FRMD3: variants seen among roughly 807,000 people sequenced by gnomAD.
The protein encoded by FRMD3 is FERM domain-containing protein 3.
A neutral mutation model predicts 70.2 loss-of-function variants in FRMD3; 33 were observed. That is an observed-to-expected ratio of 0.47 (90% CI 0.36 to 0.63). The LOEUF (loss-of-function observed/expected upper bound fraction) is 0.63, where lower values mean the gene tolerates loss of function less well. FRMD3 is among the 20% of genes least tolerant of loss of function. The probability of loss-of-function intolerance (pLI) is 0.00; values close to 1 mark genes in which losing one functional copy is unlikely to be tolerated. For synonymous variants in FRMD3, 279 were observed against 255.9 expected, an observed-to-expected ratio of 1.09 and a Z score of -0.86; for missense variants, 632 against 711.4, an observed-to-expected ratio of 0.89 and a Z score of 1.27.
chr9:83,514,546 CT>C (rs1279283602), intron 1 of FRMD3, among the ~76,000 whole-genome samples: 1 of 152,222 alleles, frequency 6.6e-6, no homozygotes, highest in East Asian at 1.9e-4. Context: ...CTTCAGCAGA[CT>C]TAAACGTTCC....
chr9:83,319,572 C>T (rs1835715783), intron 6 of FRMD3, among the ~76,000 whole-genome samples: 1 of 152,174 alleles, frequency 6.6e-6, no homozygotes, highest in Non-Finnish European at 1.5e-5. Flanking sequence ...CAGGCATGTG[C>T]CACCAGGTCC....
chr9:83,452,666 T>C (rs1264354830), intron 1 of FRMD3, among the ~76,000 whole-genome samples: 2 of 151,830 alleles, frequency 1.3e-5, no homozygotes, highest in Non-Finnish European at 2.9e-5. Flanking sequence ...GTATTTTTAG[T>C]AGAGACGGGG....
intron 1 of FRMD3, among the ~76,000 whole-genome samples, chr9:83,459,810 T>C (rs1408888182): frequency 6.6e-6 from 1 of 152,230 alleles, no homozygotes; most frequent in African/African-American, 2.4e-5. Context: ...AAATTTACTT[T>C]CTCACAGTTC....
chr9:83,443,920 A>AG (rs1827381702), intron 1 of FRMD3, among the ~76,000 whole-genome samples: 1 of 152,244 alleles, frequency 6.6e-6, no homozygotes, highest in Non-Finnish European at 1.5e-5. Context: ...AAATCATGGA[A>AG]GGAGACCACT....
chr9:83,320,824 TTTG>T (rs533538787), intron 6 of FRMD3, among the ~76,000 whole-genome samples: 15 of 152,046 alleles, frequency 9.9e-5, no homozygotes, highest in Admixed American at 7.9e-4. Flanking sequence ...GTTTTGTTGT[TTTG>T]TTGTTGTTGT....
intron 1 of FRMD3, among the ~76,000 whole-genome samples, chr9:83,513,033 G>A (rs1381507006): frequency 1.3e-5 from 2 of 152,176 alleles, no homozygotes; most frequent in Non-Finnish European, 1.5e-5. Flanking sequence ...ACCATCTGTC[G>A]CAAATACAAG....
intron 4 of FRMD3, among the ~76,000 whole-genome samples, chr9:83,348,586 T>C (rs141699513): frequency 6.6e-6 from 1 of 152,272 alleles, no homozygotes. Flanking sequence ...TGAATGCCAC[T>C]GCATTATACA....
Position 83,245,225 on chromosome 9 carries a change from TG to T in FRMD3, c.*2692del. 1 of 984,298 alleles carries T rather than the reference TG, an allele frequency of 1.0e-6. No individual in the cohort carries two copies. Among genetic ancestry groups the T allele is most frequent in the Non-Finnish European group, 1.2e-6 (1 of 828,910 alleles). 61.0% of individuals were successfully genotyped at this position (984,298 alleles called of 1,614,324 possible). ...TATAAACACACATATACCAATAATA[TG>T]GAATATACATATACTCACACACTTG... On this transcript the variant is annotated 3_prime_UTR_variant, in exon 14 of 14. Coordinates refer to ENST00000304195, the MANE Select transcript of FRMD3 (RefSeq NM_174938.6).
At chr9:83,488,874 G>A (rs1479520418) in intron 1 of FRMD3, among the ~76,000 whole-genome samples, 6 of 152,066 alleles carry the variant, frequency 3.9e-5, no homozygotes, top group Non-Finnish European at 7.4e-5. Context: ...GGAAAATGGG[G>A]GAAATAAATT....
intron 1 of FRMD3, among the ~76,000 whole-genome samples, chr9:83,421,447 A>G (rs1377874803): frequency 6.6e-6 from 1 of 151,524 alleles, no homozygotes; most frequent in African/African-American, 2.4e-5. Context: ...TTAGCCTTAT[A>G]TTTTTATATG....
chr9:83,419,322 T>C (rs540138747), intron 1 of FRMD3, among the ~76,000 whole-genome samples: 1 of 151,952 alleles, frequency 6.6e-6, no homozygotes, highest in South Asian at 2.1e-4. Context: ...AGATTAACCA[T>C]AAAAAAAAGA....
upstream of FRMD3, among the ~76,000 whole-genome samples, chr9:83,538,916 C>G (rs193091725): frequency 6.6e-6 from 1 of 152,274 alleles, no homozygotes; most frequent in East Asian, 1.9e-4. This position sits in a 1 kb window ranked among gnomAD's most constrained non-coding sequence, Gnocchi z 4.7. Flanking sequence ...AGCCCTGACA[C>G]GGCTACACCA....
At chr9:83,343,365 C>T in intron 4 of FRMD3, 78 bp from the exon 5 acceptor site, 2 of 943,954 alleles carry the variant, frequency 2.1e-6, no homozygotes, top group Middle Eastern at 2.1e-4. Context: ...ATGCTTAGCT[C>T]CCATGGTGAC....
At chr9:83,572,280 T>C in the FRMD3 span, among the ~76,000 whole-genome samples, 399 of 151,924 alleles carry the variant, frequency 2.6e-3, 2 homozygotes, top group African/African-American at 9.1e-3. Flanking sequence ...ATGGGGATAG[T>C]GGAAATGGTA....
intron 3 of FRMD3, among the ~76,000 whole-genome samples, chr9:83,360,724 C>A (rs528384937): frequency 6.6e-6 from 1 of 152,312 alleles, no homozygotes; most frequent in East Asian, 1.9e-4. Context: ...TGCACCCAAT[C>A]AAAATGATGT....
intron 1 of FRMD3, among the ~76,000 whole-genome samples, chr9:83,439,175 G>A (rs58623804): frequency 0.1 from 15,775 of 152,226 alleles, 870 homozygotes; most frequent in Admixed American, 0.14. Flanking sequence ...TGATGAACAT[G>A]GTTAAATATT....
intron 1 of FRMD3, among the ~76,000 whole-genome samples, chr9:83,445,343 T>TAGAC (rs1827424819): frequency 7.4e-6 from 1 of 135,706 alleles, no homozygotes; most frequent in African/African-American, 3.1e-5. Flanking sequence ...CAAAAATAAA[T>TAGAC]AGATAGATAG....
chr9:83,346,032 G>A (rs1384375055), intron 4 of FRMD3, among the ~76,000 whole-genome samples: 1 of 152,150 alleles, frequency 6.6e-6, no homozygotes, highest in Non-Finnish European at 1.5e-5. Context: ...GAGGCAGGCG[G>A]ATAGCCTGAG....
Position 83,335,477 on chromosome 9 carries a change from C to G in FRMD3, c.596+39G>C, listed in dbSNP as rs752938809. 5 of 1,553,980 alleles carry G rather than the reference C, an allele frequency of 3.2e-6. No homozygotes were observed. The South Asian group carries it at 4.5e-5, about 14-fold the overall frequency. The stretch of plus-strand genomic sequence containing the variant: ...ATTCCCTGCAGTAAGAATATTTTCT[C>G]CCCTTTATCATTTTCACAAATGTCT... On this transcript the variant is annotated intron_variant, in intron 6 of 13. Coordinates refer to ENST00000304195, the MANE Select transcript of FRMD3 (RefSeq NM_174938.6).
Sources: gnomAD v4.1 joint callset for allele counts (sites outside exome capture counted in the v4.1 genomes callset) on GRCh38, gnomAD v4.1.1 for gene constraint, Gnocchi (gnomAD v3.1) non-coding constraint, MANE v1.5 for transcripts, NCBI Gene and HGNC (gene_info 2026-07-23, HGNC 2026-07-21) for gene names.